Variants in SCAPER observed in about 807,000 individuals in gnomAD.
SCAPER encodes S-phase cyclin A associated protein in the ER, also known as S phase cyclin A-associated protein in the endoplasmic reticulum.
SCAPER carries 98 observed loss-of-function variants against 182.2 expected under a neutral mutation model. The observed-to-expected ratio is 0.54, with a 90% confidence interval of 0.46 to 0.64. SCAPER has a LOEUF of 0.64. Ranked by LOEUF, SCAPER falls within the 30% of genes least tolerant of loss-of-function variation. The probability of loss-of-function intolerance (pLI) is 0.00; values close to 1 mark genes in which losing one functional copy is unlikely to be tolerated. For synonymous variants in SCAPER, 605 were observed against 564.6 expected (o/e 1.07, Z -1.01); for missense variants, 1,432 against 1,690.0 (o/e 0.85, Z 2.68).
intron 22 of SCAPER, among the ~76,000 whole-genome samples, chr15:76,595,458 G>A (rs1348479354): frequency 1.6e-5 from 2 of 121,654 alleles, no homozygotes; most frequent in African/African-American, 2.5e-5. Context: ...TCTGGACTAA[G>A]TGGACCAAAT....
intron 21 of SCAPER, among the ~76,000 whole-genome samples, chr15:76,652,273 A>AAAAAT (rs1207156993): frequency 9.3e-4 from 12 of 12,860 alleles, no homozygotes; most frequent in Non-Finnish European, 1.5e-3. Context: ...AAAAAAAAAA[A>AAAAAT]ATATATATAT....
rs576487155 is a variant in SCAPER, at chr15:76,710,113, C to G, written c.2166-4129G>C. 3.9e-5 allele frequency among the ~76,000 whole-genome samples: 6 copies of G among 152,226 alleles called. 1 individual carries two copies. Among genetic ancestry groups the G allele is most frequent in the African/African-American group, 1.4e-4 (6 of 41,532 alleles). On this transcript the variant is annotated intron_variant, in intron 17 of 31. Coordinates refer to ENST00000563290, the MANE Select transcript of SCAPER (RefSeq NM_020843.4). ...TAAGATTGAGAACAAAACAAGGACA[C>G]CCAACATCACAACTTCCATTGAACA...
chr15:76,687,395 GT>G (rs1415442756), intron 20 of SCAPER, among the ~76,000 whole-genome samples: 1 of 152,016 alleles, frequency 6.6e-6, no homozygotes, highest in Non-Finnish European at 1.5e-5. Context: ...TCCGATAAAA[GT>G]AAAAATTAAA....
intron 22 of SCAPER, among the ~76,000 whole-genome samples, chr15:76,600,012 T>G (rs2049795666): frequency 8.2e-6 from 1 of 121,644 alleles, no homozygotes; most frequent in African/African-American, 2.5e-5. Context: ...GTATGCAATT[T>G]ACTTTCATGC....
chr15:76,546,389 T>A (rs1448175678), intron 23 of SCAPER, among the ~76,000 whole-genome samples: 1 of 152,046 alleles, frequency 6.6e-6, no homozygotes, highest in African/African-American at 2.4e-5. Flanking sequence ...TAAAAAAAAA[T>A]TTGTTGCCCA....
intron 20 of SCAPER, among the ~76,000 whole-genome samples, chr15:76,695,613 A>G (rs1458742436): frequency 1.3e-5 from 2 of 151,998 alleles, no homozygotes; most frequent in African/African-American, 4.8e-5. Context: ...AAAAAAGAAA[A>G]AAGAAAAAAA....
At position 76,549,851 on chromosome 15, in the gene SCAPER, T is replaced by C. The variant is rs73455135; in HGVS notation, c.2838+24307A>G. On this transcript the variant is annotated intron_variant, in intron 23 of 31. Coordinates refer to ENST00000563290, the MANE Select transcript of SCAPER (RefSeq NM_020843.4). ...GATTTAAATATAAGATCTGAAACTC[T>C]AAAACTACTAGAAAACATAGGGGAA... is the stretch of plus-strand genomic sequence containing the variant. Among the ~76,000 whole-genome samples, 1,010 of 152,238 alleles carry C rather than the reference T, an allele frequency of 6.6e-3. 13 individuals carry two copies. The highest frequency in any genetic ancestry group is 0.023 in the African/African-American group (964 of 41,546).
intron 28 of SCAPER, chr15:76,380,885 C>T (rs4886798): frequency 0.28 from 42,965 of 152,184 alleles, 7,124 homozygotes; most frequent in East Asian, 0.58. Flanking sequence ...CTAAACCATC[C>T]GTAGAAAGTC....
intron 5 of SCAPER, among the ~76,000 whole-genome samples, chr15:76,805,960 T>C (rs1237983748): frequency 6.6e-6 from 1 of 152,242 alleles, no homozygotes; most frequent in African/African-American, 2.4e-5. Flanking sequence ...TATAAAGTTC[T>C]TTATATATTC....
intron 26 of SCAPER, among the ~76,000 whole-genome samples, chr15:76,429,240 G>A (rs2046689082): frequency 6.6e-6 from 1 of 151,978 alleles, no homozygotes; most frequent in Non-Finnish European, 1.5e-5. Flanking sequence ...TCCAGTCTTG[G>A]TTATGTCTTT....
intron 6 of SCAPER, among the ~76,000 whole-genome samples, chr15:76,804,074 CAT>C (rs2065968703): frequency 6.6e-6 from 1 of 152,224 alleles, no homozygotes; most frequent in African/African-American, 2.4e-5. Flanking sequence ...TGACTTCACA[CAT>C]GTCCTACACT....
At chr15:76,578,431 TAGCAC>T (rs929544680) in intron 22 of SCAPER, among the ~76,000 whole-genome samples, 2 of 152,212 alleles carry the variant, frequency 1.3e-5, no homozygotes, top group African/African-American at 4.8e-5. Context: ...AGGTCTGACC[TAGCAC>T]AGGCCCAGTG....
intron 21 of SCAPER, among the ~76,000 whole-genome samples, chr15:76,663,397 C>G (rs1014314724): frequency 2.0e-5 from 3 of 151,752 alleles, no homozygotes; most frequent in Admixed American, 6.6e-5. Flanking sequence ...AGGTATTTAC[C>G]GAAGAGAAAT....
intron 29 of SCAPER, among the ~76,000 whole-genome samples, chr15:76,361,880 G>T (rs2141736668): frequency 6.6e-6 from 1 of 152,150 alleles, no homozygotes; most frequent in East Asian, 1.9e-4. Flanking sequence ...ATTTCTGAAG[G>T]CATCAAAAAA....
At chr15:76,441,372 A>G (rs2047587731) in intron 25 of SCAPER, among the ~76,000 whole-genome samples, 1 of 152,200 alleles carries the variant, frequency 6.6e-6, no homozygotes, top group Non-Finnish European at 1.5e-5. Context: ...AAATGTCAGC[A>G]AACTTTATAG....
intron 29 of SCAPER, among the ~76,000 whole-genome samples, chr15:76,375,593 A>G (rs567062019): frequency 2.0e-4 from 31 of 152,366 alleles, no homozygotes; most frequent in African/African-American, 7.5e-4. Context: ...GTAAGAGAGT[A>G]CATGCTTCTC....
chr15:76,803,159 T>C (rs887236796), intron 6 of SCAPER, among the ~76,000 whole-genome samples: 5 of 152,240 alleles, frequency 3.3e-5, no homozygotes, highest in African/African-American at 1.2e-4. Context: ...CTACACAATG[T>C]GGTCCTAGCC....
chr15:76,526,496 T>A (rs2043209364), intron 23 of SCAPER, among the ~76,000 whole-genome samples: 1 of 152,198 alleles, frequency 6.6e-6, no homozygotes, highest in Admixed American at 6.5e-5. Flanking sequence ...ATAGTGCTAA[T>A]TCTTCTTTTC....
At chr15:76,812,301 G>A (rs184920023) in intron 5 of SCAPER, among the ~76,000 whole-genome samples, 11 of 151,812 alleles carry the variant, frequency 7.2e-5, no homozygotes, top group East Asian at 1.9e-4. Context: ...GTGACAAAGC[G>A]AGACTCCGTC....
Sources: gnomAD v4.1 joint callset for allele counts (sites outside exome capture counted in the v4.1 genomes callset) on GRCh38, gnomAD v4.1.1 for gene constraint, MANE v1.5 for transcripts, NCBI Gene and HGNC (gene_info 2026-07-23, HGNC 2026-07-21) for gene names.